CNTN3: variants seen among roughly 807,000 people sequenced by gnomAD.
CNTN3 encodes the protein contactin-3.
Under a neutral mutation model 119.1 loss-of-function variants are expected in CNTN3, and 60 were observed. The observed-to-expected ratio is 0.50, with a 90% CI of 0.41 to 0.62. The LOEUF (loss-of-function observed/expected upper bound fraction) is 0.62, where lower values mean the gene tolerates loss of function less well. Ranked by LOEUF, CNTN3 falls within the 20% of genes least tolerant of loss-of-function variation. The probability of loss-of-function intolerance (pLI) is 0.00; values close to 1 mark genes in which losing one functional copy is unlikely to be tolerated. For synonymous variants in CNTN3, 450 were observed against 438.7 expected, an observed-to-expected ratio of 1.03 and a Z score of -0.32; for missense variants, 1,101 against 1,242.4, an observed-to-expected ratio of 0.89 and a Z score of 1.71.
intron 4 of CNTN3, among the ~76,000 whole-genome samples, chr3:74,435,173 TTTAAA>T (rs1178330079): frequency 2.5e-4 from 38 of 152,332 alleles, no homozygotes; most frequent in South Asian, 2.1e-4. Context: ...ACTGGAACGA[TTTAAA>T]TTAAATTAAT....
At chr3:74,393,492 T>A (rs1704966292) in intron 5 of CNTN3, among the ~76,000 whole-genome samples, 1 of 152,230 alleles carries the variant, frequency 6.6e-6, no homozygotes, top group South Asian at 2.1e-4. Flanking sequence ...ACCTTCCCTT[T>A]CTTGATGATT....
chr3:74,371,477 A>G, intron 5 of CNTN3, 78 bp from the exon 6 acceptor site: 1 of 1,053,166 alleles, frequency 9.5e-7, no homozygotes, highest in Non-Finnish European at 1.4e-6. Flanking sequence ...GTATCTATAC[A>G]AACATCAACT....
At chr3:74,356,616 A>G (rs1310366206) in intron 11 of CNTN3, among the ~76,000 whole-genome samples, 1 of 152,138 alleles carries the variant, frequency 6.6e-6, no homozygotes, top group East Asian at 1.9e-4. Flanking sequence ...CCTAGCATAT[A>G]GTAGGTACTC....
At chr3:74,442,398 A>C (rs754140350) in intron 4 of CNTN3, among the ~76,000 whole-genome samples, 1 of 152,044 alleles carries the variant, frequency 6.6e-6, no homozygotes, top group Non-Finnish European at 1.5e-5. Flanking sequence ...TTATCGAATA[A>C]TAGCCTATTT....
intron 4 of CNTN3, among the ~76,000 whole-genome samples, chr3:74,453,137 A>T (rs185519901): frequency 0.021 from 3,176 of 152,058 alleles, 99 homozygotes; most frequent in African/African-American, 0.068. Context: ...CTGTGAATCC[A>T]TCTGGTCCTG....
chr3:74,579,364 C>CA (rs1274802474), intron 1 of CNTN3, among the ~76,000 whole-genome samples: 1,480 of 134,618 alleles, frequency 0.011, 13 homozygotes, highest in Admixed American at 0.025. Context: ...CCACCCCCCT[C>CA]AAAAAAAAAA....
intron 3 of CNTN3, among the ~76,000 whole-genome samples, chr3:74,497,752 T>C: frequency 6.6e-6 from 1 of 151,836 alleles, no homozygotes; most frequent in Non-Finnish European, 1.5e-5. Context: ...CAGTAACAGA[T>C]TTTGTTAAAA....
chr3:74,325,389 A>G (rs913182652), intron 13 of CNTN3, among the ~76,000 whole-genome samples: 7 of 152,160 alleles, frequency 4.6e-5, no homozygotes, highest in Non-Finnish European at 8.8e-5. Context: ...ATAATTCCCA[A>G]TCTTTCCTCA....
chr3:74,571,383 C>G (rs974041671), intron 1 of CNTN3, among the ~76,000 whole-genome samples: 8 of 152,090 alleles, frequency 5.3e-5, no homozygotes, highest in African/African-American at 1.7e-4. Context: ...GGGATGCAGC[C>G]TGGGCATTGG....
chr3:74,610,526 C>CA (rs1298907807), intron 1 of CNTN3, among the ~76,000 whole-genome samples: 1 of 151,930 alleles, frequency 6.6e-6, no homozygotes, highest in Non-Finnish European at 1.5e-5. Flanking sequence ...TAGGAATTGT[C>CA]AAAGGGACAG....
intron 1 of CNTN3, among the ~76,000 whole-genome samples, chr3:74,596,338 T>C (rs1397438396): frequency 6.6e-6 from 1 of 152,086 alleles, no homozygotes; most frequent in Non-Finnish European, 1.5e-5. Context: ...AAAAACTACT[T>C]TAACGTTCAT....
intron 5 of CNTN3, among the ~76,000 whole-genome samples, chr3:74,390,467 C>T (rs2106827423): frequency 6.6e-6 from 1 of 151,172 alleles, no homozygotes; most frequent in Non-Finnish European, 1.5e-5. Context: ...TCCATCAGGC[C>T]CCAGAAAGCT....
intron 2 of CNTN3, among the ~76,000 whole-genome samples, chr3:74,506,504 A>G (rs1703262661): frequency 6.6e-6 from 1 of 152,178 alleles, no homozygotes; most frequent in African/African-American, 2.4e-5. Context: ...AAAGTACTTC[A>G]TAGCTTTCTG....
chr3:74,283,368 G>T (rs923809468), intron 20 of CNTN3, among the ~76,000 whole-genome samples: 1 of 152,118 alleles, frequency 6.6e-6, no homozygotes, highest in African/African-American at 2.4e-5. Flanking sequence ...AAATTGCTCA[G>T]TAAGTGTCAA....
At chr3:74,299,223 A>T (rs2106812742) in intron 17 of CNTN3, among the ~76,000 whole-genome samples, 1 of 152,322 alleles carries the variant, frequency 6.6e-6, no homozygotes, top group South Asian at 2.1e-4. Flanking sequence ...AAGGAAAAAA[A>T]TATTAACGAA....
intron 1 of CNTN3, among the ~76,000 whole-genome samples, chr3:74,608,938 C>T (rs1473733667): frequency 1.3e-5 from 2 of 152,152 alleles, no homozygotes; most frequent in Admixed American, 1.3e-4. Flanking sequence ...GGGGGACAGT[C>T]AAGGCTACCT....
intron 5 of CNTN3, among the ~76,000 whole-genome samples, chr3:74,399,337 C>G (rs964893654): frequency 6.6e-6 from 1 of 152,048 alleles, no homozygotes; most frequent in Admixed American, 6.6e-5. Flanking sequence ...TTGTTCCCCC[C>G]ATCCATGTGA....
intron 2 of CNTN3, among the ~76,000 whole-genome samples, chr3:74,510,205 T>C (rs1170325251): frequency 2.6e-5 from 4 of 152,010 alleles, no homozygotes; most frequent in African/African-American, 9.7e-5. Flanking sequence ...ACCACCCTAA[T>C]CAGATTCACT....
Position 74,447,734 on chromosome 3 carries a change from T to C in CNTN3, c.359-22794A>G, listed in dbSNP as rs545166376. Among the ~76,000 whole-genome samples the C allele has an allele frequency of 2.1e-3, 320 of 152,262 alleles. 2 individuals carry two copies. The Middle Eastern group carries it at 0.024, about 11-fold the overall frequency. ...CTCACACAGGACAAATGACATAATA[T>C]GCAGATGTTATCATCCCTGAGGTGG... On this transcript the variant is annotated intron_variant, in intron 4 of 22. Coordinates refer to ENST00000263665, the MANE Select transcript of CNTN3 (RefSeq NM_020872.3).
Sources: allele counts gnomAD v4.1 joint callset (sites outside exome capture counted in the v4.1 genomes callset), GRCh38; gene constraint gnomAD v4.1.1; transcripts MANE v1.5; gene names NCBI Gene and HGNC (gene_info 2026-07-23, HGNC 2026-07-21).